KDM4B: variants seen among roughly 807,000 people sequenced by gnomAD.
KDM4B encodes lysine-specific demethylase 4B.
Under a neutral mutation model 125.2 loss-of-function variants are expected in KDM4B, and 32 were observed. The ratio of observed to expected loss-of-function variants is 0.26; its 90% CI spans 0.19 to 0.34. KDM4B has a LOEUF of 0.34. Among genes scored for constraint, KDM4B ranks in the 10% least tolerant of loss-of-function variants. KDM4B has a pLI of 1.00. For missense variants in KDM4B, 1,190 were observed against 1,577.7 expected (o/e 0.75, Z 4.16); for synonymous variants, 721 against 677.9 (o/e 1.06, Z -0.99).
intron 2 of KDM4B, among the ~76,000 whole-genome samples, chr19:5,024,132 C>T (rs147780583): frequency 2.0e-5 from 3 of 152,276 alleles, no homozygotes; most frequent in East Asian, 3.9e-4. Context: ...TCTTGGGTGT[C>T]CCTTGCGCCC....
chr19:5,149,868 A>G (rs1306209609), intron 21 of KDM4B, among the ~76,000 whole-genome samples: 1 of 152,220 alleles, frequency 6.6e-6, no homozygotes, highest in Non-Finnish European at 1.5e-5. Flanking sequence ...GGCCACACAT[A>G]AGCCAGGGAC....
chr19:4,974,929 C>T (rs1315750340), intron 1 of KDM4B, among the ~76,000 whole-genome samples: 1 of 152,068 alleles, frequency 6.6e-6, no homozygotes, highest in East Asian at 1.9e-4. Context: ...CTTTCTTCCT[C>T]CTGCACCTGC....
At chr19:5,021,781 G>A (rs760748271) in intron 2 of KDM4B, among the ~76,000 whole-genome samples, 11 of 151,798 alleles carry the variant, frequency 7.2e-5, no homozygotes, top group Non-Finnish European at 1.6e-4. Flanking sequence ...TTACAGGAGC[G>A]TGCCACCATG....
chr19:4,982,967 G>A (rs948840598), intron 1 of KDM4B, among the ~76,000 whole-genome samples: 1 of 152,120 alleles, frequency 6.6e-6, no homozygotes, highest in Non-Finnish European at 1.5e-5. Flanking sequence ...GAACAAGCCC[G>A]TGTGTCTGAA....
At chr19:4,999,876 C>T (rs921682279) in intron 1 of KDM4B, among the ~76,000 whole-genome samples, 3 of 141,264 alleles carry the variant, frequency 2.1e-5, no homozygotes, top group Middle Eastern at 3.8e-3. Context: ...CATCCACCCA[C>T]GCATCCACCC....
Position 5,003,765 on chromosome 19 carries a change from T to C in KDM4B, c.-108-12492T>C, listed in dbSNP as rs369575375. 2.6e-5 allele frequency among the ~76,000 whole-genome samples: 4 copies of C among 152,082 alleles called. No homozygotes were observed. In the East Asian group the frequency reaches 5.8e-4, roughly 22 times the overall value. On this transcript the variant is annotated intron_variant, in intron 1 of 22. Coordinates refer to ENST00000159111, the MANE Select transcript of KDM4B (RefSeq NM_015015.3). Reference sequence around the variant, plus strand: ...TGGAGGTTGTAGTGAGCTGAGATTGTGCCACTGCCCTCCAGCCTGGGTGAC... The same window carrying C: ...TGGAGGTTGTAGTGAGCTGAGATTGCGCCACTGCCCTCCAGCCTGGGTGAC...
Position 4,997,849 on chromosome 19 carries a change from C to T in KDM4B, c.-108-18408C>T, listed in dbSNP as rs2035252052. On this transcript the variant is annotated intron_variant, in intron 1 of 22. Coordinates refer to ENST00000159111, the MANE Select transcript of KDM4B (RefSeq NM_015015.3). This position sits in a 1 kb window ranked among gnomAD's most constrained non-coding sequence, Gnocchi z 4.2. ...CCAGGAGGTTGCTAGACCTGGCGGG[C>T]CCCAGGGCCAGGAGTGAGGGGCGGA... Among the ~76,000 whole-genome samples, 1 of 152,216 alleles carries T rather than the reference C, an allele frequency of 6.6e-6. No individual in the cohort carries two copies. Among genetic ancestry groups the T allele is most frequent in the Admixed American group, 6.5e-5 (1 of 15,294 alleles).
rs149870966 is a variant in KDM4B at position 5,035,880 on chromosome 19, T to TGCGC, written c.141+2862_141+2865dup. ...ACGTGTCTCTGTGTGTGTGTGTGTG[T>TGCGC]GCGCGCGCGCGCGCGCCTGCGCGCA... On this transcript the variant is annotated intron_variant, in intron 3 of 22. Coordinates refer to ENST00000159111, the MANE Select transcript of KDM4B (RefSeq NM_015015.3). This position sits in a 1 kb window ranked among gnomAD's most constrained non-coding sequence, Gnocchi z 5.3. 1.0e-4 allele frequency among the ~76,000 whole-genome samples: 14 copies of TGCGC among 136,504 alleles called. No individual in the cohort carries two copies. Among genetic ancestry groups the TGCGC allele is most frequent in the Middle Eastern group, 7.5e-3 (2 of 266 alleles). 89.6% of individuals were successfully genotyped at this position (136,504 alleles called of 152,430 possible). A position where few individuals can be genotyped will look rare whatever the true frequency, so the allele number is the denominator to read the frequency against.
intron 6 of KDM4B, among the ~76,000 whole-genome samples, chr19:5,060,177 C>T (rs10407586): frequency 6.6e-6 from 1 of 151,988 alleles, no homozygotes; most frequent in African/African-American, 2.4e-5. Context: ...TGGTGGCTCA[C>T]GCCTGTAATC....
At chr19:5,125,864 T>C (rs2039440523) in intron 11 of KDM4B, among the ~76,000 whole-genome samples, 2 of 150,960 alleles carry the variant, frequency 1.3e-5, no homozygotes, top group Admixed American at 1.3e-4. Context: ...GGGCGTTTTC[T>C]TGGACACAGC....
chr19:5,099,654 A>T (rs774228534), intron 9 of KDM4B, among the ~76,000 whole-genome samples: 1 of 152,220 alleles, frequency 6.6e-6, no homozygotes, highest in Admixed American at 6.5e-5. Flanking sequence ...AGAAAGGAAC[A>T]CAGGCAGTAA....
In KDM4B at chr19:5,002,266, G is replaced by A. The variant is rs537624979; in HGVS notation, c.-108-13991G>A. Among the ~76,000 whole-genome samples the A allele has an allele frequency of 6.6e-5, 10 of 152,266 alleles. No individual in the cohort carries two copies. The South Asian group carries it at 1.2e-3, about 19-fold the overall frequency. ...ACCGGCCTTGGCCTCCCAAAATGCC[G>A]GGATTATAGGCTTGAGTCACCTCAC... On this transcript the variant is annotated intron_variant, in intron 1 of 22. Transcript: ENST00000159111.
At chr19:5,027,945 A>G (rs912011781) in intron 2 of KDM4B, among the ~76,000 whole-genome samples, 5 of 152,070 alleles carry the variant, frequency 3.3e-5, no homozygotes, top group African/African-American at 1.2e-4. Flanking sequence ...ATATTCAAAA[A>G]CTTGTGCAAC....
intron 21 of KDM4B, among the ~76,000 whole-genome samples, chr19:5,146,236 A>C (rs1218317405): frequency 6.2e-4 from 70 of 112,704 alleles, no homozygotes; most frequent in Admixed American, 1.2e-3. Context: ...AGCATCCAGG[A>C]CCCCCCCCGC....
intron 10 of KDM4B, chr19:5,111,700 G>A (rs2039149904): frequency 2.7e-6 from 2 of 750,260 alleles, no homozygotes; most frequent in Admixed American, 1.7e-5. Flanking sequence ...CGGGAGGGAC[G>A]GCACAGAGTG....
intron 1 of KDM4B, among the ~76,000 whole-genome samples, chr19:4,994,020 GTTTTTTTTTTTT>G (rs55641886): frequency 7.5e-5 from 5 of 66,680 alleles, no homozygotes; most frequent in African/African-American, 1.3e-4. Flanking sequence ...TTTTCAGCCT[GTTTTTTTTTTTT>G]TTTTTTTTTT....
In KDM4B at chr19:5,034,004, C is replaced by T. The variant is rs566389236; in HGVS notation, c.141+973C>T. The stretch of plus-strand genomic sequence containing the variant: ...AAATGAGCCAGGCGTGGTGTTGGTA[C>T]ATGTCTGTGGTCCCAGCTACTCGGG... On this transcript the variant is annotated intron_variant, in intron 3 of 22. Transcript: ENST00000159111. 3.9e-3 allele frequency among the ~76,000 whole-genome samples: 598 copies of T among 152,300 alleles called. 2 individuals carry two copies. Among genetic ancestry groups the T allele is most frequent in the Non-Finnish European group, 6.2e-3 (419 of 68,018 alleles).
intron 6 of KDM4B, among the ~76,000 whole-genome samples, chr19:5,059,550 G>A (rs973939430): frequency 3.9e-5 from 6 of 152,218 alleles, no homozygotes; most frequent in Non-Finnish European, 8.8e-5. Context: ...TGCCCGTGGT[G>A]GGCACAGGCT....
chr19:5,057,065 T>TGTGTGTGTGTGTGTGTGTGC (rs55806859), intron 6 of KDM4B, among the ~76,000 whole-genome samples: 1 of 128,322 alleles, frequency 7.8e-6, no homozygotes, highest in African/African-American at 3.2e-5. Flanking sequence ...TGTGTGTGTG[T>TGTGTGTGTGTGTGTGTGTGC]GCGCGCGCGC....
Sources: gnomAD v4.1 joint callset for allele counts (sites outside exome capture counted in the v4.1 genomes callset) on GRCh38, gnomAD v4.1.1 for gene constraint, Gnocchi (gnomAD v3.1) non-coding constraint, MANE v1.5 for transcripts, NCBI Gene and HGNC (gene_info 2026-07-23, HGNC 2026-07-21) for gene names.